The following MDGA2 variants were observed in gnomAD, a reference collection of about 807,000 sequenced individuals.
The protein encoded by MDGA2 is MAM domain containing glycosylphosphatidylinositol anchor 2, also known as MAM domain-containing glycosylphosphatidylinositol anchor protein 2.
In MDGA2, 40 loss-of-function variants were observed where a neutral mutation model predicts 117.8. The observed-to-expected ratio is 0.34, with a 90% CI of 0.26 to 0.44. MDGA2 has a LOEUF of 0.44. MDGA2 is among the 20% of genes least tolerant of loss of function. MDGA2 has a pLI of 1.00. For synonymous variants in MDGA2, 452 were observed against 439.0 expected (o/e 1.03, Z -0.37); for missense variants, 1,123 against 1,250.6 (o/e 0.90, Z 1.54).
intron 1 of MDGA2, among the ~76,000 whole-genome samples, chr14:47,644,580 G>C (rs1897489788): frequency 6.6e-6 from 1 of 151,878 alleles, no homozygotes; most frequent in Admixed American, 6.6e-5. Context: ...GAAGGGAAGA[G>C]ATTGATCCAT....
At chr14:47,642,040 C>T (rs4900792) in intron 1 of MDGA2, among the ~76,000 whole-genome samples, 24,195 of 151,932 alleles carry the variant, frequency 0.16, 2,004 homozygotes, top group East Asian at 0.25. Flanking sequence ...AAATGTGTAA[C>T]GTAGGAAAAA....
intron 1 of MDGA2, among the ~76,000 whole-genome samples, chr14:47,534,595 C>A (rs936488655): frequency 1.3e-5 from 2 of 152,050 alleles, no homozygotes; most frequent in Non-Finnish European, 2.9e-5. Flanking sequence ...ACAAGAATAG[C>A]ATGGAAGAAA....
At chr14:47,343,989 C>G (rs145431628) in intron 1 of MDGA2, among the ~76,000 whole-genome samples, 1 of 152,138 alleles carries the variant, frequency 6.6e-6, no homozygotes, top group Non-Finnish European at 1.5e-5. Context: ...TATACCTCCG[C>G]GCATCTAGAA....
intron 1 of MDGA2, among the ~76,000 whole-genome samples, chr14:47,333,844 C>T (rs1471364970): frequency 6.6e-6 from 1 of 151,728 alleles, no homozygotes; most frequent in African/African-American, 2.4e-5. Context: ...AACAAAAATA[C>T]TCTGTGCCTA....
At chr14:47,485,440 A>G (rs748645763) in intron 1 of MDGA2, among the ~76,000 whole-genome samples, 1 of 152,222 alleles carries the variant, frequency 6.6e-6, no homozygotes, top group Non-Finnish European at 1.5e-5. Flanking sequence ...AGCAGAGCAC[A>G]AAAGTTTGGA....
rs192941527 is a variant in MDGA2 at position 47,052,676 on chromosome 14, G to A, written c.1525+8573C>T. Among the ~76,000 whole-genome samples, 39 of 151,886 alleles carry A rather than the reference G, an allele frequency of 2.6e-4. No individual in the cohort carries two copies. In the East Asian group the frequency reaches 4.1e-3, roughly 16 times the overall value. The stretch of plus-strand genomic sequence containing the variant: ...CTTCTCAAAACAACTTGCAACTAAC[G>A]ATGTTTTAAATAATCCCTTTCACTC... On this transcript the variant is annotated intron_variant, in intron 7 of 16. Transcript: ENST00000399232.
intron 1 of MDGA2, among the ~76,000 whole-genome samples, chr14:47,556,804 A>T (rs924258424): frequency 6.6e-6 from 1 of 152,244 alleles, no homozygotes; most frequent in Non-Finnish European, 1.5e-5. Context: ...TAATTGGTAC[A>T]GTTCCTCGCT....
intron 9 of MDGA2, among the ~76,000 whole-genome samples, chr14:46,926,923 T>C (rs1468719506): frequency 6.6e-6 from 1 of 152,154 alleles, no homozygotes; most frequent in East Asian, 1.9e-4. Flanking sequence ...CAAAAGTGAT[T>C]GCGCATACTG....
At chr14:46,935,317 A>G (rs935111234) in intron 9 of MDGA2, among the ~76,000 whole-genome samples, 13 of 152,062 alleles carry the variant, frequency 8.5e-5, no homozygotes, top group Admixed American at 8.5e-4. Context: ...TCTCTTACCA[A>G]TCCAGCTCAC....
intron 2 of MDGA2, among the ~76,000 whole-genome samples, chr14:47,289,384 T>A (rs12434841): frequency 0.092 from 13,764 of 150,148 alleles, 787 homozygotes; most frequent in Non-Finnish European, 0.11. Context: ...CAGACTCATA[T>A]ACTAGATCAA....
intron 8 of MDGA2, among the ~76,000 whole-genome samples, chr14:47,002,424 T>C (rs947551796): frequency 1.3e-5 from 2 of 152,082 alleles, no homozygotes; most frequent in African/African-American, 4.8e-5. Context: ...CAATAACTTA[T>C]CTCTTACATT....
At chr14:47,482,968 A>G (rs1213462472) in intron 1 of MDGA2, among the ~76,000 whole-genome samples, 1 of 151,908 alleles carries the variant, frequency 6.6e-6, no homozygotes, top group Non-Finnish European at 1.5e-5. Context: ...ACATCCCCAT[A>G]CCATGCCCTT....
intron 4 of MDGA2, among the ~76,000 whole-genome samples, chr14:47,137,007 A>C (rs1175588716): frequency 6.6e-6 from 1 of 152,240 alleles, no homozygotes; most frequent in Admixed American, 6.5e-5. Context: ...GAGAATCAAC[A>C]TCAATGCAGC....
chr14:47,164,328 G>C (rs946437858), intron 3 of MDGA2, among the ~76,000 whole-genome samples: 1 of 151,890 alleles, frequency 6.6e-6, no homozygotes, highest in African/African-American at 2.4e-5. Flanking sequence ...CCCATTTCTG[G>C]AGAAAATTTT....
intron 1 of MDGA2, among the ~76,000 whole-genome samples, chr14:47,533,832 G>T (rs1024379531): frequency 4.6e-5 from 7 of 152,098 alleles, no homozygotes; most frequent in African/African-American, 9.7e-5. Flanking sequence ...TACACAGTAG[G>T]TCCCAAATAT....
chr14:47,375,063 T>A (rs566195433), intron 1 of MDGA2, among the ~76,000 whole-genome samples: 1 of 152,110 alleles, frequency 6.6e-6, no homozygotes, highest in Non-Finnish European at 1.5e-5. Context: ...CTTGGTTACT[T>A]AACCTTTCAA....
At chr14:46,910,373 G>A (rs913536273) in intron 10 of MDGA2, among the ~76,000 whole-genome samples, 5 of 151,968 alleles carry the variant, frequency 3.3e-5, no homozygotes, top group African/African-American at 1.2e-4. Flanking sequence ...TATTAATTTA[G>A]TACTGCATTA....
At chr14:47,141,004 C>G (rs948193279) in intron 4 of MDGA2, among the ~76,000 whole-genome samples, 3 of 151,960 alleles carry the variant, frequency 2.0e-5, no homozygotes, top group Non-Finnish European at 4.4e-5. Flanking sequence ...AGACATTACT[C>G]AAAAGAATAC....
intron 1 of MDGA2, among the ~76,000 whole-genome samples, chr14:47,384,245 A>C (rs1891707722): frequency 6.6e-6 from 1 of 151,010 alleles, no homozygotes; most frequent in Non-Finnish European, 1.5e-5. Flanking sequence ...TGATGGAGGC[A>C]AAGGGACTGA....
Sources: allele counts gnomAD v4.1 joint callset (sites outside exome capture counted in the v4.1 genomes callset), GRCh38; gene constraint gnomAD v4.1.1; transcripts MANE v1.5; gene names NCBI Gene and HGNC (gene_info 2026-07-23, HGNC 2026-07-21).